The following ITGB6 variants were observed in gnomAD, a reference collection of about 807,000 sequenced individuals.
The protein encoded by ITGB6 is integrin beta-6.
Under a neutral mutation model 84.5 loss-of-function variants are expected in ITGB6, and 80 were observed. The ratio of observed to expected loss-of-function variants is 0.95; its 90% CI spans 0.79 to 1.14. ITGB6 has a LOEUF of 1.14. Among genes scored for constraint, ITGB6 ranks in the 50% most tolerant of loss-of-function variants. The pLI, the probability that ITGB6 is intolerant of heterozygous loss-of-function variation, is 0.00. For synonymous variants in ITGB6, 383 were observed against 354.9 expected (o/e 1.08, Z -0.89); for missense variants, 1,006 against 968.0 (o/e 1.04, Z -0.52).
At chr2:160,180,662 C>A (rs1243367502) in intron 4 of ITGB6, among the ~76,000 whole-genome samples, 2 of 152,144 alleles carry the variant, frequency 1.3e-5, no homozygotes, top group Non-Finnish European at 2.9e-5. Context: ...TTGACATTTG[C>A]ACTGATGATA....
intron 11 of ITGB6, among the ~76,000 whole-genome samples, chr2:160,125,392 A>G (rs191824722): frequency 4.0e-4 from 61 of 152,354 alleles, no homozygotes; most frequent in African/African-American, 1.4e-3. Flanking sequence ...TTAAGATTGA[A>G]TCATATTTAT....
chr2:160,136,514 C>T (rs1246505321), intron 10 of ITGB6, among the ~76,000 whole-genome samples: 1 of 152,144 alleles, frequency 6.6e-6, no homozygotes, highest in Non-Finnish European at 1.5e-5. Context: ...GGATCTAGAA[C>T]TAGAAATACC....
intron 8 of ITGB6, among the ~76,000 whole-genome samples, chr2:160,138,595 T>C (rs1184233132): frequency 1.3e-5 from 2 of 152,228 alleles, no homozygotes; most frequent in Non-Finnish European, 2.9e-5. Context: ...TTCTTTTGCT[T>C]ATATCTCAGT....
intron 13 of ITGB6, among the ~76,000 whole-genome samples, chr2:160,111,270 A>G (rs1021534291): frequency 1.3e-5 from 2 of 152,212 alleles, no homozygotes; most frequent in African/African-American, 4.8e-5. Flanking sequence ...TTTGATTTCA[A>G]GATAACTTGC....
chr2:160,145,717 G>C (rs571490602), intron 7 of ITGB6, among the ~76,000 whole-genome samples: 1 of 152,092 alleles, frequency 6.6e-6, no homozygotes, highest in African/African-American at 2.4e-5. Flanking sequence ...AGGAACATGC[G>C]GTCACACAAC....
chr2:160,183,343 G>T (rs775905956), intron 4 of ITGB6, among the ~76,000 whole-genome samples: 2 of 152,116 alleles, frequency 1.3e-5, no homozygotes, highest in Non-Finnish European at 2.9e-5. Flanking sequence ...TACAATCCTG[G>T]TCTCTGATAA....
At chr2:160,154,142 A>T (rs532628626) in intron 7 of ITGB6, among the ~76,000 whole-genome samples, 1 of 152,342 alleles carries the variant, frequency 6.6e-6, no homozygotes, top group African/African-American at 2.4e-5. Context: ...ATGTATGTTT[A>T]TTGTGGCACT....
chr2:160,199,696 T>C (rs1686481434), intron 1 of ITGB6, among the ~76,000 whole-genome samples: 1 of 152,242 alleles, frequency 6.6e-6, no homozygotes, highest in East Asian at 1.9e-4. Context: ...GATCTTGTGG[T>C]AGAATAAAAT....
At position 160,143,276 on chromosome 2, in the gene ITGB6, C is replaced by A. The variant is rs111634425; in HGVS notation, c.1018-1205G>T. Among the ~76,000 whole-genome samples, 1,271 of 152,020 alleles carry A rather than the reference C, an allele frequency of 8.4e-3. 23 individuals are homozygous for A. Among genetic ancestry groups the A allele is most frequent in the African/African-American group, 0.03 (1,227 of 41,486 alleles). On this transcript the variant is annotated intron_variant, in intron 7 of 14. Transcript: ENST00000283249. The stretch of plus-strand genomic sequence containing the variant: ...CTCCAGCCTGGGTGACAAAGTGAGA[C>A]CCTGTCTAAAAAAAAATCATAATAA...
rs577031796 is a variant in ITGB6 at position 160,106,514 on chromosome 2, C to T, written c.2268+1165G>A. Reference sequence around the variant, plus strand: ...TTGGCCTCCCAAAGTTCTAAGATTACGGTGTGAGCCACCATGCCCAGCCTT... The same window carrying T: ...TTGGCCTCCCAAAGTTCTAAGATTATGGTGTGAGCCACCATGCCCAGCCTT... On this transcript the variant is annotated intron_variant, in intron 14 of 14. Transcript: ENST00000283249. 8.9e-4 allele frequency among the ~76,000 whole-genome samples: 135 copies of T among 152,284 alleles called. 2 individuals are homozygous for T. The Middle Eastern group carries it at 0.014, about 15-fold the overall frequency.
At position 160,200,255 on chromosome 2, in the gene ITGB6, T is replaced by C. The variant is rs546370463; in HGVS notation, c.-192A>G. 2 of 533,742 alleles carry C rather than the reference T, an allele frequency of 3.7e-6. No homozygotes were observed. Among genetic ancestry groups the C allele is most frequent in the South Asian group, 2.6e-5 (1 of 38,854 alleles). The allele number at this position is 533,742 out of a possible 1,614,324, so 33.1% of individuals were successfully genotyped here. A position where few individuals can be genotyped will look rare whatever the true frequency, so the allele number is the denominator to read the frequency against. ...TTAAGACTGAAATGAAAACAGAGGCTACCTGGACAGGTAAAGCAGAAAAGC... is the reference window on the plus strand; with the variant it reads ...TTAAGACTGAAATGAAAACAGAGGCCACCTGGACAGGTAAAGCAGAAAAGC... On this transcript the variant is annotated 5_prime_UTR_variant, in exon 1 of 15. Transcript: ENST00000283249.
rs770815372 is a variant in ITGB6, at chr2:160,137,703, C to A, written c.1391G>T (p.Ser464Ile). The stretch of plus-strand genomic sequence containing the variant: ...GCCGTTCCCGTGGTGACATTTGGAG[C>A]TGTTCACTTCCACTTCTTTCTGACA... ...CDCQKEVEVN[S>I]SKCHHGNGSF... Residue 464 changes from serine (S) to isoleucine (I), a missense_variant, in exon 10 of 15, where the codon AGC (serine) becomes ATC (isoleucine). Coordinates refer to ENST00000283249, the MANE Select transcript of ITGB6 (RefSeq NM_000888.5). 1 of 1,614,066 alleles carries A rather than the reference C, an allele frequency of 6.2e-7. No homozygotes were observed. The highest frequency in any genetic ancestry group is 1.3e-5 in the African/African-American group (1 of 74,918).
intron 13 of ITGB6, among the ~76,000 whole-genome samples, chr2:160,110,330 A>T (rs1697082186): frequency 6.6e-6 from 1 of 152,244 alleles, no homozygotes; most frequent in African/African-American, 2.4e-5. Context: ...AAGCGAATTA[A>T]TACATGTAAA....
intron 11 of ITGB6, 24 bp from the exon 12 acceptor site, chr2:160,123,912 A>G (rs1683139298): frequency 6.4e-7 from 1 of 1,550,512 alleles, no homozygotes; most frequent in African/African-American, 1.4e-5. Flanking sequence ...CCAACAGTGT[A>G]TCAGTTCATG....
At chr2:160,190,225 G>A in intron 4 of ITGB6, among the ~76,000 whole-genome samples, 2 of 126,380 alleles carry the variant, frequency 1.6e-5, no homozygotes, top group Admixed American at 8.2e-5. Context: ...GAGGGGGGAG[G>A]GTTAGCATTA....
At chr2:160,176,382 G>GCATCAATACACCTAGT (rs1685421408) in intron 4 of ITGB6, among the ~76,000 whole-genome samples, 1 of 152,200 alleles carries the variant, frequency 6.6e-6, no homozygotes, top group Non-Finnish European at 1.5e-5. Flanking sequence ...CCTTTCAGCT[G>GCATCAATACACCTAGT]CATCAATACA....
At chr2:160,149,752 A>G (rs1400311237) in intron 7 of ITGB6, among the ~76,000 whole-genome samples, 4 of 152,170 alleles carry the variant, frequency 2.6e-5, no homozygotes, top group Non-Finnish European at 5.9e-5. Context: ...CAGTGTAGAG[A>G]AGGCCTTAAA....
At chr2:160,186,730 G>T (rs1445664251) in intron 4 of ITGB6, among the ~76,000 whole-genome samples, 1 of 152,134 alleles carries the variant, frequency 6.6e-6, no homozygotes, top group Admixed American at 6.6e-5. Flanking sequence ...GTCCATCAAT[G>T]ATAGACTGGA....
chr2:160,120,083 T>C (rs1378590260), intron 12 of ITGB6, among the ~76,000 whole-genome samples: 2 of 151,278 alleles, frequency 1.3e-5, no homozygotes, highest in Non-Finnish European at 3.0e-5. Flanking sequence ...TGTAAACTAG[T>C]TCAACCATTG....
Sources: gnomAD v4.1 joint callset for allele counts (sites outside exome capture counted in the v4.1 genomes callset) on GRCh38, gnomAD v4.1.1 for gene constraint, MANE v1.5 for transcripts, NCBI Gene and HGNC (gene_info 2026-07-23, HGNC 2026-07-21) for gene names.